Variants in UMAD1 observed in about 807,000 individuals in gnomAD.
UMAD1 encodes the protein UBAP1-MVB12-associated (UMA)-domain containing protein 1.
In UMAD1, 8 loss-of-function variants were observed where a neutral mutation model predicts 6.1. That is an observed-to-expected ratio of 1.30 (90% CI 0.76 to 2.35). The LOEUF is 2.35. Among genes scored for constraint, UMAD1 ranks in the 30% most tolerant of loss-of-function variants. UMAD1 has a pLI of 0.00. For missense variants in UMAD1, 130 were observed against 78.4 expected, an observed-to-expected ratio of 1.66 and a Z score of -2.49; for synonymous variants, 56 against 31.4, an observed-to-expected ratio of 1.78 and a Z score of -2.61.
At chr7:7,798,671 C>T (rs1782736064) in intron 2 of UMAD1, among the ~76,000 whole-genome samples, 1 of 152,226 alleles carries the variant, frequency 6.6e-6, no homozygotes. Context: ...TGTTCCCTAA[C>T]TCAGAGTCTA....
intron 2 of UMAD1, among the ~76,000 whole-genome samples, chr7:7,776,940 G>A (rs555029876): frequency 6.6e-6 from 1 of 152,262 alleles, no homozygotes; most frequent in African/African-American, 2.4e-5. Context: ...CATCTTTTAT[G>A]TATTCTTTCA....
chr7:7,811,944 T>G lies in UMAD1; in HGVS notation c.156+10201T>G, dbSNP rs114495915. On this transcript the variant is annotated intron_variant, in intron 3 of 3. Coordinates refer to ENST00000682710, the MANE Select transcript of UMAD1 (RefSeq NM_001302348.2). ...TAGGTAATCTTGACTTATTTTACAG[T>G]AAGATTAGCACAGGTTGTTTACCCA... Among the ~76,000 whole-genome samples the G allele has an allele frequency of 2.2e-3, 339 of 152,320 alleles. 2 individuals carry two copies. Among genetic ancestry groups the G allele is most frequent in the African/African-American group, 7.8e-3 (323 of 41,564 alleles).
At chr7:7,764,489 C>T (rs1781949530) in intron 2 of UMAD1, among the ~76,000 whole-genome samples, 1 of 152,172 alleles carries the variant, frequency 6.6e-6, no homozygotes, top group African/African-American at 2.4e-5. Flanking sequence ...GAAGCTGAGA[C>T]TGTGGAAGGT....
At chr7:7,763,924 A>C (rs1425114528) in intron 2 of UMAD1, among the ~76,000 whole-genome samples, 3 of 152,236 alleles carry the variant, frequency 2.0e-5, no homozygotes, top group Non-Finnish European at 4.4e-5. Context: ...TATGTCAACT[A>C]GTTTTAGAAA....
intron 2 of UMAD1, among the ~76,000 whole-genome samples, chr7:7,792,975 C>T (rs1022136797): frequency 6.6e-6 from 1 of 152,172 alleles, no homozygotes; most frequent in African/African-American, 2.4e-5. Flanking sequence ...CCCAAAGGCT[C>T]CACCTCTTAC....
intron 3 of UMAD1, among the ~76,000 whole-genome samples, chr7:7,815,339 A>G (rs543764485): frequency 2.4e-4 from 37 of 152,152 alleles, no homozygotes; most frequent in Non-Finnish European, 4.3e-4. Flanking sequence ...ATACTCAGTA[A>G]GTATTAGTTT....
intron 2 of UMAD1, among the ~76,000 whole-genome samples, chr7:7,794,678 A>G (rs987352560): frequency 6.6e-6 from 1 of 152,240 alleles, no homozygotes; most frequent in Non-Finnish European, 1.5e-5. Context: ...ACCTCATGAC[A>G]GATAGCAGAC....
intron 3 of UMAD1, among the ~76,000 whole-genome samples, chr7:7,865,301 A>G (rs1784204992): frequency 6.6e-6 from 1 of 152,194 alleles, no homozygotes; most frequent in Non-Finnish European, 1.5e-5. Context: ...ACCTCCAGGA[A>G]GTTAGCGTTG....
At chr7:7,780,039 T>C (rs1406872406) in intron 2 of UMAD1, among the ~76,000 whole-genome samples, 5 of 152,252 alleles carry the variant, frequency 3.3e-5, no homozygotes. Flanking sequence ...TTTCTGAGTT[T>C]GCTTATTTGT....
chr7:7,786,431 G>A (rs1782461789), intron 2 of UMAD1, among the ~76,000 whole-genome samples: 1 of 152,120 alleles, frequency 6.6e-6, no homozygotes. Context: ...ATCAGGTGGT[G>A]CACAGCTCCT....
chr7:7,806,469 CA>C (rs1322477993), intron 3 of UMAD1, among the ~76,000 whole-genome samples: 1 of 152,148 alleles, frequency 6.6e-6, no homozygotes, highest in Admixed American at 6.5e-5. Flanking sequence ...TTTATGACCT[CA>C]GCAACTATCA....
intron 2 of UMAD1, among the ~76,000 whole-genome samples, chr7:7,747,231 C>T (rs1002116511): frequency 4.6e-5 from 7 of 152,052 alleles, no homozygotes; most frequent in Non-Finnish European, 1.0e-4. Flanking sequence ...ATTGTTTAAA[C>T]GAGAGAGTTT....
intron 3 of UMAD1, among the ~76,000 whole-genome samples, chr7:7,829,792 A>G (rs1043646888): frequency 1.3e-5 from 2 of 152,308 alleles, no homozygotes; most frequent in South Asian, 4.1e-4. Context: ...AGCATGTAGT[A>G]TCAGCTTCTG....
intron 1 of UMAD1, among the ~76,000 whole-genome samples, chr7:7,651,360 A>T (rs1306984875): frequency 3.3e-5 from 5 of 152,142 alleles, no homozygotes; most frequent in Non-Finnish European, 7.3e-5. Context: ...ATAAGGGTAC[A>T]GGATGGAGGG....
chr7:7,772,482 A>G (rs1782120767), intron 2 of UMAD1: 2 of 152,178 alleles, frequency 1.3e-5, no homozygotes. Context: ...GTCTCTGAGT[A>G]TCCTGCAGGG....
At chr7:7,835,239 G>T (rs563352917) in intron 3 of UMAD1, among the ~76,000 whole-genome samples, 2 of 151,960 alleles carry the variant, frequency 1.3e-5, no homozygotes, top group African/African-American at 4.8e-5. Flanking sequence ...TGTTTTGTGT[G>T]TATCTTGATC....
At chr7:7,767,365 T>C (rs1380148908) in intron 2 of UMAD1, among the ~76,000 whole-genome samples, 5 of 150,142 alleles carry the variant, frequency 3.3e-5, no homozygotes, top group African/African-American at 1.2e-4. Context: ...GACCTCATGA[T>C]CCGCCTGCCT....
chr7:7,678,751 T>C (rs1779828700), intron 2 of UMAD1, among the ~76,000 whole-genome samples: 7 of 116,334 alleles, frequency 6.0e-5, no homozygotes, highest in Non-Finnish European at 1.0e-4. Flanking sequence ...AGTTTATAAA[T>C]ATATATTTAT....
chr7:7,842,385 T>G (rs1330032266), intron 3 of UMAD1, among the ~76,000 whole-genome samples: 4 of 152,082 alleles, frequency 2.6e-5, no homozygotes, highest in Admixed American at 6.5e-5. Flanking sequence ...GTGGACCTTA[T>G]TTTGATAAGC....
Sources: allele counts gnomAD v4.1 joint callset (sites outside exome capture counted in the v4.1 genomes callset), GRCh38; gene constraint gnomAD v4.1.1; transcripts MANE v1.5; gene names NCBI Gene and HGNC (gene_info 2026-07-23, HGNC 2026-07-21).